WARS1: variants seen among roughly 807,000 people sequenced by gnomAD.
WARS1 encodes the protein tryptophan--tRNA ligase, cytoplasmic.
In WARS1, 17 loss-of-function variants were observed where a neutral mutation model predicts 47.8. That is an observed-to-expected ratio of 0.36 (90% CI 0.24 to 0.53). The LOEUF is 0.53. WARS1 is among the 20% of genes least tolerant of loss of function. The probability of loss-of-function intolerance (pLI) is 0.91; values close to 1 mark genes in which losing one functional copy is unlikely to be tolerated. For missense variants in WARS1, 434 were observed against 608.0 expected (o/e 0.71, Z 3.01); for synonymous variants, 208 against 228.1 (o/e 0.91, Z 0.79).
At chr14:100,371,569 C>T (rs12888583) in intron 1 of WARS1, among the ~76,000 whole-genome samples, 144,470 of 151,836 alleles carry the variant, frequency 0.95, 69,146 homozygotes, top group East Asian at 1. Flanking sequence ...ACCCCATCTT[C>T]ACTAAAAATA....
chr14:100,343,238 C>T, intron 8 of WARS1, 37 bp downstream of exon 8: 2 of 1,555,616 alleles, frequency 1.3e-6, no homozygotes, highest in South Asian at 1.2e-5. Flanking sequence ...CTGTCAATGC[C>T]CCAGACTTAG....
At chr14:100,360,717 T>C (rs1895612178) in intron 3 of WARS1, 55 bp from the exon 4 acceptor site, 3 of 1,328,660 alleles carry the variant, frequency 2.3e-6, no homozygotes, top group Admixed American at 1.8e-5. Flanking sequence ...AGTGATCAGA[T>C]ATTACTGAAA....
rs1035065628 is a variant in WARS1 at position 100,369,250 on chromosome 14, G to C, written c.-65C>G. 8 of 392,920 alleles carry C rather than the reference G, an allele frequency of 2.0e-5. No individual in the cohort carries two copies. In the East Asian group the frequency reaches 4.8e-4, roughly 23 times the overall value. 24.3% of individuals were successfully genotyped at this position (392,920 alleles called of 1,614,324 possible). On this transcript the variant is annotated 5_prime_UTR_variant, in exon 2 of 11. Transcript: ENST00000392882. ...AGGTCAGAGGATTTGTTCAGCAGAC[G>C]AGTCAAGACTGGGGTGGGGGCGGGG... is the stretch of plus-strand genomic sequence containing the variant.
chr14:100,366,599 T>C, intron 2 of WARS1: 1 of 718,068 alleles, frequency 1.4e-6, no homozygotes, highest in Non-Finnish European at 2.6e-6. Context: ...GAGTTGAGTG[T>C]CCTGAGAGGT....
chr14:100,347,508 C>T (rs1438277398), intron 6 of WARS1, among the ~76,000 whole-genome samples: 3 of 152,204 alleles, frequency 2.0e-5, no homozygotes, highest in African/African-American at 7.2e-5. Context: ...CATTCCACTA[C>T]CAGAAGGAAC....
chr14:100,354,675 A>G, intron 4 of WARS1, 109 bp from the exon 5 acceptor site: 1 of 1,268,914 alleles, frequency 7.9e-7, no homozygotes, highest in Non-Finnish European at 1.1e-6. Flanking sequence ...CAACATGGAT[A>G]ATAACTAGAA....
intron 1 of WARS1, among the ~76,000 whole-genome samples, chr14:100,371,605 T>G (rs1366936264): frequency 6.6e-6 from 1 of 151,868 alleles, no homozygotes; most frequent in South Asian, 2.1e-4. Flanking sequence ...CATGGTGGCA[T>G]GTACCTGTAG....
intron 9 of WARS1, 46 bp from the exon 10 acceptor site, chr14:100,337,248 C>A (rs1893805028): frequency 1.3e-6 from 2 of 1,595,964 alleles, no homozygotes; most frequent in African/African-American, 1.3e-5. Flanking sequence ...CCTGCTCATC[C>A]TGTGCCTGGA....
At chr14:100,362,350 T>C (rs2140046800) in intron 2 of WARS1, among the ~76,000 whole-genome samples, 1 of 152,298 alleles carries the variant, frequency 6.6e-6, no homozygotes, top group East Asian at 1.9e-4. Context: ...AGTTTTTACA[T>C]ACCACACAGG....
Position 100,349,181 on chromosome 14 carries a change from T to C in WARS1, c.726-2335A>G, listed in dbSNP as rs140584576. ...CAACATTTACTGAGCACTCCCCAGGTGCCAGGCGTGGCTTGAAGCACTTTA... is the reference window on the plus strand; with the variant it reads ...CAACATTTACTGAGCACTCCCCAGGCGCCAGGCGTGGCTTGAAGCACTTTA... On this transcript the variant is annotated intron_variant, in intron 6 of 10. Transcript: ENST00000392882. Among the ~76,000 whole-genome samples, 53 of 152,342 alleles carry C rather than the reference T, an allele frequency of 3.5e-4. 1 individual carries two copies. In the East Asian group the frequency reaches 7.9e-3, roughly 23 times the overall value.
Position 100,342,600 on chromosome 14 carries a change from G to A in WARS1, c.940-29C>T, listed in dbSNP as rs370563883. 26 of 1,580,222 alleles carry A rather than the reference G, an allele frequency of 1.6e-5. 1 individual carries two copies. In the African/African-American group the frequency reaches 2.2e-4, roughly 13 times the overall value. On this transcript the variant is annotated intron_variant, in intron 8 of 10. Coordinates refer to ENST00000392882, the MANE Select transcript of WARS1 (RefSeq NM_004184.4). Reference sequence around the variant, plus strand: ...TGGGGAGAGTAAGGACCCTGATGAGGGCGGCCAGAAAACATGCCAGCTTTC... The same window carrying A: ...TGGGGAGAGTAAGGACCCTGATGAGAGCGGCCAGAAAACATGCCAGCTTTC...
chr14:100,334,687 C>T lies in WARS1; in HGVS notation c.*188G>A. ...GCACCAATTACCCACAATGCTTTGC[C>T]CATAAGAGATAGAAATAATGGAACT... On this transcript the variant is annotated 3_prime_UTR_variant, in exon 11 of 11. Coordinates refer to ENST00000392882, the MANE Select transcript of WARS1 (RefSeq NM_004184.4). 1.6e-6 allele frequency: 1 copy of T among 607,186 alleles called. No homozygotes were observed. Among genetic ancestry groups the T allele is most frequent in the Non-Finnish European group, 2.7e-6 (1 of 363,776 alleles). 37.6% of individuals were successfully genotyped at this position (607,186 alleles called of 1,614,324 possible).
At chr14:100,359,233 A>C (rs1317924272) in intron 4 of WARS1, among the ~76,000 whole-genome samples, 3 of 152,262 alleles carry the variant, frequency 2.0e-5, no homozygotes, top group Non-Finnish European at 1.5e-5. Context: ...TCAGAGCAGC[A>C]TTGTTGATAA....
chr14:100,344,774 G>A (rs575079061), intron 7 of WARS1, among the ~76,000 whole-genome samples: 3 of 136,800 alleles, frequency 2.2e-5, no homozygotes, highest in African/African-American at 5.6e-5. Context: ...ACCCGGCCGC[G>A]ACCCCATCCG....
chr14:100,345,522 T>C (rs1444363559), intron 7 of WARS1, among the ~76,000 whole-genome samples: 1 of 151,738 alleles, frequency 6.6e-6, no homozygotes, highest in Non-Finnish European at 1.5e-5. Context: ...ACACAAACAC[T>C]GCGGAAGGCC....
chr14:100,344,809 G>GCAA (rs1894441067), intron 7 of WARS1, among the ~76,000 whole-genome samples: 1 of 151,412 alleles, frequency 6.6e-6, no homozygotes, highest in Admixed American at 6.6e-5. Flanking sequence ...TCTCTGCCCG[G>GCAA]CCGCCCTGTC....
At chr14:100,342,632 GA>G in intron 8 of WARS1, 61 bp from the exon 9 acceptor site, 2 of 1,502,742 alleles carry the variant, frequency 1.3e-6, no homozygotes, top group Non-Finnish European at 1.8e-6. Context: ...TTTCAGCCAT[GA>G]GCAGTCCCTG....
chr14:100,357,279 C>CA (rs1275641081), intron 4 of WARS1, among the ~76,000 whole-genome samples: 1 of 151,106 alleles, frequency 6.6e-6, no homozygotes, highest in African/African-American at 2.4e-5. Flanking sequence ...AAGTTGAAGT[C>CA]AGAGAAATTA....
chr14:100,337,587 G>C (rs1481485553), intron 9 of WARS1, among the ~76,000 whole-genome samples: 1 of 151,662 alleles, frequency 6.6e-6, no homozygotes, highest in African/African-American at 2.4e-5. Flanking sequence ...ATGGTAGCTT[G>C]TGCCAGTAAT....
Sources: gnomAD v4.1 joint callset for allele counts (sites outside exome capture counted in the v4.1 genomes callset) on GRCh38, gnomAD v4.1.1 for gene constraint, MANE v1.5 for transcripts, NCBI Gene and HGNC (gene_info 2026-07-23, HGNC 2026-07-21) for gene names.